ERAP1: variants seen among roughly 807,000 people sequenced by gnomAD.
The protein encoded by ERAP1 is adipocyte-derived leucine aminopeptidase.
Under a neutral mutation model 103.7 loss-of-function variants are expected in ERAP1, and 86 were observed. The observed-to-expected ratio is 0.83, with a 90% CI of 0.70 to 0.99. The LOEUF (loss-of-function observed/expected upper bound fraction) is 0.99. Among genes scored for constraint, ERAP1 ranks in the 50% least tolerant of loss-of-function variants. The pLI, the probability that ERAP1 is intolerant of heterozygous loss-of-function variation, is 0.00. For missense variants in ERAP1, 1,009 were observed against 1,128.4 expected (o/e 0.89, Z 1.52); for synonymous variants, 398 against 402.4 (o/e 0.99, Z 0.13).
At chr5:96,926,377 G>C in the ERAP1 span, among the ~76,000 whole-genome samples, 1 of 152,098 alleles carries the variant, frequency 6.6e-6, no homozygotes, top group Non-Finnish European at 1.5e-5. Flanking sequence ...TATAGTCACA[G>C]GGTTGAGTGC....
At position 96,793,805 on chromosome 5, in the gene ERAP1, G is replaced by A; in HGVS notation, c.1072C>T (p.Gln358Ter). 1 of 1,612,644 alleles carries A rather than the reference G, an allele frequency of 6.2e-7. No homozygotes were observed. The highest frequency in any genetic ancestry group is 8.5e-7 in the Non-Finnish European group (1 of 1,178,788). Residue 358 changes from glutamine to a stop codon, truncating the protein, a stop_gained and splice_region_variant, in exon 6 of 19, where the codon CAG becomes TAG. Transcript: ENST00000443439. LOFTEE classifies it high-confidence loss of function. ...TMTVAHELAHQWFGNLVTMEW... is the reference protein window; with the variant it reads ...TMTVAHELAH ...TAAAAGTGTGAATGAGCTTATACCT[G>A]GTGAGCCAGTTCATGGGCCACAGTC...
chr5:96,762,871 A>C (rs1768485722), exon 20 of ERAP1: 1 of 379,162 alleles, frequency 2.6e-6, no homozygotes, highest in Non-Finnish European at 4.9e-6. Context: ...AAAATTTGTC[A>C]CTTTCATACT....
chr5:96,780,934 C>T (rs1775076568), intron 17 of ERAP1, 124 bp downstream of exon 17: 1 of 1,103,752 alleles, frequency 9.1e-7, no homozygotes, highest in African/African-American at 1.6e-5. Flanking sequence ...TTAGGTATTT[C>T]TACTGCCTAT....
chr5:96,880,365 T>A, the ERAP1 span: 2 of 1,036,822 alleles, frequency 1.9e-6, no homozygotes, highest in African/African-American at 1.6e-5. Flanking sequence ...AGAAATCCAG[T>A]GAACTATGGG....
At chr5:96,801,909 CAA>C (rs1025232390) in intron 2 of ERAP1, among the ~76,000 whole-genome samples, 2 of 136,936 alleles carry the variant, frequency 1.5e-5, no homozygotes, top group African/African-American at 5.5e-5. Context: ...GAATCTCAGG[CAA>C]AGTCAAAGGT....
chr5:96,902,254 A>G, the ERAP1 span: 3 of 1,541,032 alleles, frequency 1.9e-6, no homozygotes, highest in African/African-American at 1.4e-5. Flanking sequence ...GTCTGTAACT[A>G]TCTTTACTCT....
the ERAP1 span, among the ~76,000 whole-genome samples, chr5:96,820,427 C>T: frequency 7.7e-4 from 118 of 152,278 alleles, no homozygotes; most frequent in African/African-American, 2.7e-3. Flanking sequence ...CTTCTAATTG[C>T]TGATCTGATC....
At chr5:96,895,205 A>C in the ERAP1 span, 2 of 1,223,734 alleles carry the variant, frequency 1.6e-6, no homozygotes, top group Non-Finnish European at 2.3e-6. Context: ...AATAATTTTT[A>C]TTTGTTTAAC....
the ERAP1 span, chr5:96,912,688 A>G: frequency 4.8e-5 from 77 of 1,610,942 alleles, no homozygotes; most frequent in Non-Finnish European, 6.2e-5. Flanking sequence ...CTCAGACAAC[A>G]GCAGGATGGA....
At chr5:96,902,360 A>T in the ERAP1 span, 10 of 1,584,222 alleles carry the variant, frequency 6.3e-6, no homozygotes, top group Non-Finnish European at 7.8e-6. Context: ...ACAGGTAATG[A>T]ACTAATTAGC....
At chr5:96,842,351 A>T in the ERAP1 span, among the ~76,000 whole-genome samples, 2 of 152,198 alleles carry the variant, frequency 1.3e-5, no homozygotes, top group Non-Finnish European at 2.9e-5. Context: ...TAGTTCTTGA[A>T]GGAATCTCCA....
chr5:96,896,231 T>C, the ERAP1 span: 1 of 603,036 alleles, frequency 1.7e-6, no homozygotes, highest in Admixed American at 3.6e-5. Context: ...CAAAGGGGAA[T>C]ACATACAAGA....
chr5:96,872,775 A>G, the ERAP1 span, among the ~76,000 whole-genome samples: 1 of 152,244 alleles, frequency 6.6e-6, no homozygotes, highest in Non-Finnish European at 1.5e-5. Context: ...AATTATTTTA[A>G]GAAGATGTTT....
the ERAP1 span, among the ~76,000 whole-genome samples, chr5:96,837,657 C>A: frequency 2.0e-5 from 3 of 152,206 alleles, no homozygotes; most frequent in Admixed American, 6.5e-5. Context: ...ACAGTCAGTG[C>A]TCTTTTAGCT....
Position 96,774,519 on chromosome 5 carries a change from G to T in ERAP1, c.*1877C>A. The T allele has an allele frequency of 1.0e-6, 1 of 986,300 alleles. No homozygotes were observed. The highest frequency in any genetic ancestry group is 1.2e-6 in the Non-Finnish European group (1 of 829,808). 61.1% of individuals were successfully genotyped at this position (986,300 alleles called of 1,614,324 possible). Reference sequence around the variant, plus strand: ...AGAACAATTTTTTATTATCAAAAAGGTTTCTGCACATTGTTGTGGCAATAT... The same window carrying T: ...AGAACAATTTTTTATTATCAAAAAGTTTTCTGCACATTGTTGTGGCAATAT... On this transcript the variant is annotated 3_prime_UTR_variant, in exon 19 of 19. Transcript: ENST00000443439.
the ERAP1 span, among the ~76,000 whole-genome samples, chr5:96,882,954 T>A: frequency 6.6e-6 from 1 of 152,182 alleles, no homozygotes; most frequent in Admixed American, 6.5e-5. Context: ...AAGCTTAAAG[T>A]CCAAAGAGTA....
At chr5:96,819,545 T>C in the ERAP1 span, among the ~76,000 whole-genome samples, 4 of 152,172 alleles carry the variant, frequency 2.6e-5, no homozygotes, top group African/African-American at 9.7e-5. Context: ...GAAAATAAAA[T>C]GTTTTCTACC....
the ERAP1 span, among the ~76,000 whole-genome samples, chr5:96,885,302 C>CAGCA: frequency 6.6e-6 from 1 of 152,170 alleles, no homozygotes; most frequent in African/African-American, 2.4e-5. Flanking sequence ...TACCATAAGA[C>CAGCA]AGCACCTCCT....
At chr5:96,850,692 C>G in the ERAP1 span, among the ~76,000 whole-genome samples, 1 of 152,052 alleles carries the variant, frequency 6.6e-6, no homozygotes. Context: ...TTCACTCATT[C>G]CACGATGTAT....
Sources: gnomAD v4.1 joint callset for allele counts (sites outside exome capture counted in the v4.1 genomes callset) on GRCh38, gnomAD v4.1.1 for gene constraint, MANE v1.5 for transcripts, NCBI Gene and HGNC (gene_info 2026-07-23, HGNC 2026-07-21) for gene names.